Variants in SSBP3 observed in about 807,000 individuals in gnomAD.
The protein encoded by SSBP3 is single stranded DNA binding protein 3, also known as single-stranded DNA-binding protein 3.
A neutral mutation model predicts 69.6 loss-of-function variants in SSBP3; 5 were observed. The ratio of observed to expected loss-of-function variants is 0.07; its 90% CI spans 0.04 to 0.15. The LOEUF is 0.15. Ranked by LOEUF, SSBP3 falls within the 10% of genes least tolerant of loss-of-function variation. The probability of loss-of-function intolerance (pLI) is 1.00; values close to 1 mark genes in which losing one functional copy is unlikely to be tolerated. For missense variants in SSBP3, 312 were observed against 534.0 expected (o/e 0.58, Z 4.10); for synonymous variants, 196 against 193.4 (o/e 1.01, Z -0.11).
intron 3 of SSBP3, among the ~76,000 whole-genome samples, chr1:54,403,410 A>C (rs1340497790): frequency 6.6e-6 from 1 of 152,088 alleles, no homozygotes; most frequent in African/African-American, 2.4e-5. Flanking sequence ...CATAAACCTA[A>C]GTTTCTACAA....
chr1:54,261,019 C>G (rs1378235724), intron 5 of SSBP3, among the ~76,000 whole-genome samples: 1 of 152,248 alleles, frequency 6.6e-6, no homozygotes, highest in Non-Finnish European at 1.5e-5. Flanking sequence ...AGACGCCTGC[C>G]ATTTCCCAAC....
At chr1:54,375,161 G>T (rs970189850) in intron 4 of SSBP3, among the ~76,000 whole-genome samples, 3 of 152,210 alleles carry the variant, frequency 2.0e-5, no homozygotes, top group Non-Finnish European at 4.4e-5. Flanking sequence ...GCAGGACCCC[G>T]TGGTCAGAGC....
chr1:54,393,698 C>T (rs1648656673), intron 4 of SSBP3, among the ~76,000 whole-genome samples: 1 of 152,174 alleles, frequency 6.6e-6, no homozygotes, highest in African/African-American at 2.4e-5. Flanking sequence ...CTGTGCTAGG[C>T]ACTATTATAT....
chr1:54,226,831 T>C (rs1644292955), exon 18 of SSBP3: 2 of 376,810 alleles, frequency 5.3e-6, no homozygotes, highest in South Asian at 2.6e-5. Flanking sequence ...AAAAGTGTCA[T>C]GTACAGAAAA....
chr1:54,291,544 T>A (rs944758129), intron 4 of SSBP3, among the ~76,000 whole-genome samples: 5 of 152,192 alleles, frequency 3.3e-5, no homozygotes, highest in African/African-American at 1.2e-4. Context: ...ATGCACTAAT[T>A]GCGCTAATTT....
chr1:54,228,970 G>A (rs1644335367), intron 14 of SSBP3, 144 bp from the exon 15 acceptor site: 1 of 827,156 alleles, frequency 1.2e-6, no homozygotes, highest in Non-Finnish European at 1.9e-6. Context: ...GACATGTCCT[G>A]CCTGGCAGCT....
upstream of SSBP3, among the ~76,000 whole-genome samples, chr1:54,409,626 C>T (rs1649936697): frequency 6.6e-6 from 1 of 152,154 alleles, no homozygotes; most frequent in Non-Finnish European, 1.5e-5. Flanking sequence ...GCCACACCCT[C>T]CTAAACTACA....
chr1:54,266,297 C>A (rs1645102924), intron 5 of SSBP3, among the ~76,000 whole-genome samples: 1 of 152,226 alleles, frequency 6.6e-6, no homozygotes, highest in Non-Finnish European at 1.5e-5. Flanking sequence ...AGAGCACAGC[C>A]ACCAGGCTGA....
intron 4 of SSBP3, among the ~76,000 whole-genome samples, chr1:54,345,369 G>A (rs1199510425): frequency 4.6e-5 from 7 of 152,010 alleles, no homozygotes; most frequent in Non-Finnish European, 1.0e-4. Context: ...ACCAAGAGCC[G>A]CACTCTAAAA....
chr1:54,228,439 G>A lies in SSBP3; in HGVS notation c.1035+10C>T, dbSNP rs1344355966. On this transcript the variant is annotated intron_variant, in intron 16 of 17. Coordinates refer to ENST00000610401, the Ensembl canonical transcript of SSBP3. Reference sequence around the variant, plus strand: ...TGGGGCGCCGCCAGGGAGACCGAGTGCACACTCACTTTTGGAAGTCCGTCT... The same window carrying A: ...TGGGGCGCCGCCAGGGAGACCGAGTACACACTCACTTTTGGAAGTCCGTCT... 2.5e-6 allele frequency: 4 copies of A among 1,614,216 alleles called. No individual in the cohort carries two copies. The South Asian group carries it at 3.3e-5, about 13-fold the overall frequency.
chr1:54,295,006 G>T (rs1645680108), intron 4 of SSBP3, among the ~76,000 whole-genome samples: 1 of 152,162 alleles, frequency 6.6e-6, no homozygotes, highest in Non-Finnish European at 1.5e-5. Context: ...CCAAGCCACA[G>T]ATTTATAGCA....
intron 4 of SSBP3, among the ~76,000 whole-genome samples, chr1:54,379,636 C>CG (rs1476472411): frequency 6.6e-6 from 1 of 152,190 alleles, no homozygotes; most frequent in Non-Finnish European, 1.5e-5. Flanking sequence ...TACAATGGTG[C>CG]GGCCAGGAGG....
chr1:54,262,961 G>T (rs966482668), intron 5 of SSBP3, among the ~76,000 whole-genome samples: 1 of 152,194 alleles, frequency 6.6e-6, no homozygotes, highest in Non-Finnish European at 1.5e-5. Flanking sequence ...CATCTCAGCT[G>T]GCCCCAAGAT....
At chr1:54,298,598 A>G (rs1043683291) in intron 4 of SSBP3, among the ~76,000 whole-genome samples, 1 of 152,154 alleles carries the variant, frequency 6.6e-6, no homozygotes, top group African/African-American at 2.4e-5. Flanking sequence ...TCGTAGCTTT[A>G]GAGCTCTACT....
chr1:54,317,095 C>T (rs1038664170), intron 4 of SSBP3, among the ~76,000 whole-genome samples: 3 of 152,096 alleles, frequency 2.0e-5, no homozygotes, highest in African/African-American at 7.2e-5. Context: ...AAAAATCATC[C>T]ACAATGGAAG....
At chr1:54,329,791 C>T (rs1367138699) in intron 4 of SSBP3, among the ~76,000 whole-genome samples, 1 of 152,178 alleles carries the variant, frequency 6.6e-6, no homozygotes, top group Non-Finnish European at 1.5e-5. Flanking sequence ...CAGCCGCTCC[C>T]CTCCCTGAGA....
chr1:54,267,147 G>A (rs570760583), intron 5 of SSBP3, among the ~76,000 whole-genome samples: 1 of 152,158 alleles, frequency 6.6e-6, no homozygotes, highest in Non-Finnish European at 1.5e-5. Context: ...GCTCCACCTC[G>A]AATGGCTGTG....
exon 5 of SSBP3, chr1:54,281,508 C>T: frequency 6.4e-7 from 1 of 1,564,588 alleles, no homozygotes; most frequent in Non-Finnish European, 8.7e-7. Context: ...AAGCACGGGG[C>T]TCGGGGCAGC....
At chr1:54,259,986 T>A (rs1254454921) in intron 5 of SSBP3, among the ~76,000 whole-genome samples, 1 of 152,246 alleles carries the variant, frequency 6.6e-6, no homozygotes, top group Non-Finnish European at 1.5e-5. Flanking sequence ...GTTTAGCGGC[T>A]TTCCCAAACA....
Sources: allele counts gnomAD v4.1 joint callset (sites outside exome capture counted in the v4.1 genomes callset), GRCh38; gene constraint gnomAD v4.1.1; transcripts MANE v1.5; gene names NCBI Gene and HGNC (gene_info 2026-07-23, HGNC 2026-07-21).